CCDC171: variants seen among roughly 807,000 people sequenced by gnomAD.
CCDC171 encodes coiled-coil domain-containing protein 171.
In CCDC171, 177 loss-of-function variants were observed where a neutral mutation model predicts 168.2. The ratio of observed to expected loss-of-function variants is 1.05; its 90% CI spans 0.93 to 1.19. The LOEUF (loss-of-function observed/expected upper bound fraction) is 1.19, where lower values mean the gene tolerates loss of function less well. Ranked by LOEUF, CCDC171 falls within the 50% of genes most tolerant of loss-of-function variation. CCDC171 has a pLI of 0.00. For synonymous variants in CCDC171, 687 were observed against 540.8 expected, an observed-to-expected ratio of 1.27 and a Z score of -3.75; for missense variants, 1,991 against 1,539.0, an observed-to-expected ratio of 1.29 and a Z score of -4.91.
Position 15,569,846 on chromosome 9 carries a change from CA to C in CCDC171, c.42-1768del, listed in dbSNP as rs1314811546. Among the ~76,000 whole-genome samples, 41 of 139,812 alleles carry C rather than the reference CA, an allele frequency of 2.9e-4. 1 individual carries two copies. The South Asian group carries it at 6.4e-3, about 22-fold the overall frequency. The allele number at this position is 139,812 out of a possible 152,430, so 91.7% of individuals were successfully genotyped here. On this transcript the variant is annotated intron_variant, in intron 2 of 25. Coordinates refer to ENST00000380701, the MANE Select transcript of CCDC171 (RefSeq NM_173550.4). Reference sequence around the variant, plus strand: ...AAACAAAAAACAAAAAACAAACAAACAAAAAAAAAATTTCTATTTTTCATCT... The same window carrying C: ...AAACAAAAAACAAAAAACAAACAAACAAAAAAAAATTTCTATTTTTCATCT...
At chr9:15,781,484 C>A (rs1010611335) in intron 20 of CCDC171, among the ~76,000 whole-genome samples, 1 of 152,172 alleles carries the variant, frequency 6.6e-6, no homozygotes, top group Admixed American at 6.5e-5. Flanking sequence ...GTGGTACGAT[C>A]TCAGCTCACT....
Position 15,602,936 on chromosome 9 carries a change from G to A in CCDC171, c.675+8764G>A, listed in dbSNP as rs145509133. Among the ~76,000 whole-genome samples the A allele has an allele frequency of 1.4e-3, 214 of 151,950 alleles. 1 individual carries two copies. The highest frequency in any genetic ancestry group is 4.4e-3 in the African/African-American group (183 of 41,450). ...GCCTCCCAAAGTGCTGAGATTACAG[G>A]CGTGAGCCATCTCGCCTAGCCTTAT... On this transcript the variant is annotated intron_variant, in intron 6 of 25. Transcript: ENST00000380701.
At chr9:16,007,684 A>G (rs1832747677) in intron 3 of CCDC171, among the ~76,000 whole-genome samples, 1 of 152,206 alleles carries the variant, frequency 6.6e-6, no homozygotes, top group South Asian at 2.1e-4. Context: ...ATTTATTAAT[A>G]GGGAATCCTT....
chr9:15,647,558 AG>A (rs1376201724), intron 7 of CCDC171, among the ~76,000 whole-genome samples: 1 of 152,162 alleles, frequency 6.6e-6, no homozygotes, highest in Non-Finnish European at 1.5e-5. Flanking sequence ...AAAATGATAA[AG>A]GGGATATCAC....
chr9:15,752,251 A>T (rs2055801023), intron 18 of CCDC171, among the ~76,000 whole-genome samples: 1 of 152,194 alleles, frequency 6.6e-6, no homozygotes, highest in Non-Finnish European at 1.5e-5. Flanking sequence ...AAGTCAGGAA[A>T]CAACAGATGC....
At chr9:15,607,623 G>A (rs142755003) in intron 6 of CCDC171, among the ~76,000 whole-genome samples, 1 of 151,964 alleles carries the variant, frequency 6.6e-6, no homozygotes, top group African/African-American at 2.4e-5. Flanking sequence ...CACCACACCT[G>A]GCTAATTTTT....
At chr9:15,821,616 C>T (rs2059774452) in intron 21 of CCDC171, among the ~76,000 whole-genome samples, 1 of 116,506 alleles carries the variant, frequency 8.6e-6, no homozygotes, top group Admixed American at 8.1e-5. Context: ...CCTAGGAATC[C>T]AACTTACAAG....
At chr9:15,596,712 T>C (rs2042392879) in intron 6 of CCDC171, among the ~76,000 whole-genome samples, 1 of 151,858 alleles carries the variant, frequency 6.6e-6, no homozygotes, top group African/African-American at 2.4e-5. Flanking sequence ...GGGGATGGCA[T>C]TGAATCTATA....
intron 21 of CCDC171, among the ~76,000 whole-genome samples, chr9:15,832,833 A>G (rs1374872273): frequency 6.6e-6 from 1 of 152,152 alleles, no homozygotes; most frequent in Non-Finnish European, 1.5e-5. Context: ...TTATTCAGTA[A>G]GTGTTTTTCT....
Position 15,678,844 on chromosome 9 carries a change from G to C in CCDC171, c.1163G>C (p.Arg388Thr). The C allele has an allele frequency of 6.3e-7, 1 of 1,597,956 alleles. No individual in the cohort carries two copies. Among genetic ancestry groups the C allele is most frequent in the African/African-American group, 1.4e-5 (1 of 74,058 alleles). Residue 388 changes from arginine (R) to threonine (T), a missense_variant, in exon 10 of 26, where the codon AGA (arginine) becomes ACA (threonine). Transcript: ENST00000380701. ...QKKVIIDLSK[R>T]LQYNEKSCSE... ...AAAGTAATTATAGACCTTTCAAAGA[G>C]ACTCCAGTATAATGAAAAAAGTTGC...
intron 6 of CCDC171, among the ~76,000 whole-genome samples, chr9:16,034,933 A>T (rs1833434849): frequency 6.6e-6 from 1 of 152,208 alleles, no homozygotes; most frequent in African/African-American, 2.4e-5. Flanking sequence ...ATAAATGCAC[A>T]ATTGAGAAGA....
At chr9:15,680,135 G>A (rs959427467) in intron 10 of CCDC171, among the ~76,000 whole-genome samples, 5 of 152,128 alleles carry the variant, frequency 3.3e-5, no homozygotes, top group Admixed American at 3.3e-4. Context: ...CTCCCAAGAG[G>A]ATATGAATGC....
intron 3 of CCDC171, among the ~76,000 whole-genome samples, chr9:16,004,928 G>C (rs975786026): frequency 3.9e-5 from 6 of 152,038 alleles, no homozygotes; most frequent in Non-Finnish European, 8.8e-5. Flanking sequence ...ATCTAAAGTA[G>C]AAGGTAAACT....
At chr9:15,631,449 A>T (rs1160318641) in intron 7 of CCDC171, among the ~76,000 whole-genome samples, 9 of 152,204 alleles carry the variant, frequency 5.9e-5, no homozygotes, top group African/African-American at 2.2e-4. Flanking sequence ...TTGGACACAT[A>T]CACCCACCCA....
intron 21 of CCDC171, among the ~76,000 whole-genome samples, chr9:15,840,831 G>C (rs1268961035): frequency 6.6e-6 from 1 of 151,508 alleles, no homozygotes; most frequent in African/African-American, 2.4e-5. Context: ...TTACTTCACT[G>C]TTATACATTT....
chr9:16,070,511 T>A, the CCDC171 span, among the ~76,000 whole-genome samples: 1 of 152,180 alleles, frequency 6.6e-6, no homozygotes. Flanking sequence ...CAACAGTGGC[T>A]CTGGCTTGGT....
intron 1 of CCDC171, among the ~76,000 whole-genome samples, chr9:16,059,505 C>CTTTTTTTTTTTT (rs869212886): frequency 2.0e-5 from 2 of 101,422 alleles, no homozygotes; most frequent in African/African-American, 4.3e-5. Flanking sequence ...TTTTTTTTTT[C>CTTTTTTTTTTTT]TTTTTTTTTT....
rs570207059 is a variant in CCDC171 at position 15,973,766 on chromosome 9, C to A, written c.*1930C>A. The A allele has an allele frequency of 1.4e-4, 21 of 152,228 alleles. No homozygotes were observed. Among genetic ancestry groups the A allele is most frequent in the Admixed American group, 1.4e-3 (21 of 15,282 alleles). 9.4% of individuals were successfully genotyped at this position (152,228 alleles called of 1,614,324 possible). A position where few individuals can be genotyped will look rare whatever the true frequency, so the allele number is the denominator to read the frequency against. ...TCCAAACAATGATTAGGATATTGTT[C>A]ATACAGAAATTGATAGACAATTTTT... is the stretch of plus-strand genomic sequence containing the variant. On this transcript the variant is annotated 3_prime_UTR_variant, in exon 26 of 26. Transcript: ENST00000380701.
chr9:16,078,681 GCAC>G, the CCDC171 span, among the ~76,000 whole-genome samples: 1 of 152,146 alleles, frequency 6.6e-6, no homozygotes, highest in South Asian at 2.1e-4. Context: ...CCTAGTCATA[GCAC>G]CACCATTAAT....
Sources: gnomAD v4.1 joint callset for allele counts (sites outside exome capture counted in the v4.1 genomes callset) on GRCh38, gnomAD v4.1.1 for gene constraint, MANE v1.5 for transcripts, NCBI Gene and HGNC (gene_info 2026-07-23, HGNC 2026-07-21) for gene names.